Variants in SLC24A2 observed in about 807,000 individuals in gnomAD.
The protein encoded by SLC24A2 is solute carrier family 24 member 2.
SLC24A2 carries 36 observed loss-of-function variants against 62.0 expected under a neutral mutation model. The ratio of observed to expected loss-of-function variants is 0.58; its 90% CI spans 0.44 to 0.77. The LOEUF is 0.77. SLC24A2 is among the 30% of genes least tolerant of loss of function. The probability of loss-of-function intolerance (pLI) is 0.00; values close to 1 mark genes in which losing one functional copy is unlikely to be tolerated. For missense variants in SLC24A2, 846 were observed against 817.9 expected (o/e 1.03, Z -0.42); for synonymous variants, 358 against 294.0 (o/e 1.22, Z -2.23).
At chr9:19,805,835 T>TA in the SLC24A2 span, among the ~76,000 whole-genome samples, 41 of 144,922 alleles carry the variant, frequency 2.8e-4, no homozygotes, top group East Asian at 4.8e-3. Context: ...GTCTGAGTTT[T>TA]AAAAAAAAAA....
intron 2 of SLC24A2, among the ~76,000 whole-genome samples, chr9:19,697,110 T>C (rs986626782): frequency 6.6e-6 from 1 of 152,128 alleles, no homozygotes; most frequent in African/African-American, 2.4e-5. Flanking sequence ...TCTAGGAAAT[T>C]AAAAAAATAA....
the SLC24A2 span, among the ~76,000 whole-genome samples, chr9:19,975,374 A>G: frequency 6.6e-6 from 1 of 152,216 alleles, no homozygotes; most frequent in Non-Finnish European, 1.5e-5. Context: ...ACTCTGCTAC[A>G]TGAATTCTTC....
the SLC24A2 span, among the ~76,000 whole-genome samples, chr9:19,922,589 C>A: frequency 1.3e-5 from 2 of 152,198 alleles, no homozygotes; most frequent in South Asian, 4.1e-4. Flanking sequence ...ATTGAACTGT[C>A]TCTACTGAAA....
the SLC24A2 span, among the ~76,000 whole-genome samples, chr9:20,291,270 G>A: frequency 3.3e-5 from 5 of 152,144 alleles, no homozygotes; most frequent in African/African-American, 1.2e-4. Context: ...AGTGCCAAGG[G>A]ATTCAAAGAG....
chr9:19,549,974 T>C (rs186294957), intron 8 of SLC24A2, among the ~76,000 whole-genome samples, 163 bp downstream of exon 8: 25 of 152,316 alleles, frequency 1.6e-4, no homozygotes, highest in African/African-American at 5.5e-4. Context: ...AACTTAAATA[T>C]TTTTTCTTGT....
the SLC24A2 span, among the ~76,000 whole-genome samples, chr9:19,997,736 C>T: frequency 6.6e-6 from 1 of 152,212 alleles, no homozygotes; most frequent in African/African-American, 2.4e-5. Flanking sequence ...ACAGATTCAG[C>T]TCTGTTGAGA....
the SLC24A2 span, among the ~76,000 whole-genome samples, chr9:19,921,467 G>T: frequency 5.6e-4 from 80 of 142,178 alleles, 1 homozygote; most frequent in East Asian, 0.011. Flanking sequence ...AGTGAGCCAA[G>T]ATTGCACCAC....
chr9:20,011,701 G>C, the SLC24A2 span, among the ~76,000 whole-genome samples: 54 of 152,226 alleles, frequency 3.5e-4, no homozygotes, highest in African/African-American at 1.2e-3. Context: ...TTAGGTACAG[G>C]AAGCTCAGAG....
chr9:19,882,254 G>A, the SLC24A2 span, among the ~76,000 whole-genome samples: 4 of 152,094 alleles, frequency 2.6e-5, no homozygotes, highest in South Asian at 2.1e-4. Flanking sequence ...GGCCAATACC[G>A]AACATGCATT....
At chr9:19,650,722 G>GCACA (rs36051382) in intron 2 of SLC24A2, among the ~76,000 whole-genome samples, 1 of 151,150 alleles carries the variant, frequency 6.6e-6, no homozygotes, top group Admixed American at 6.6e-5. Context: ...CATGGCACGC[G>GCACA]CACACACACA....
At chr9:19,925,019 G>A in the SLC24A2 span, among the ~76,000 whole-genome samples, 1 of 152,184 alleles carries the variant, frequency 6.6e-6, no homozygotes, top group African/African-American at 2.4e-5. Context: ...ATGCATCAAA[G>A]TGGAATTTTC....
chr9:20,060,075 A>G, the SLC24A2 span, among the ~76,000 whole-genome samples: 4 of 152,108 alleles, frequency 2.6e-5, no homozygotes, highest in African/African-American at 9.7e-5. Context: ...AAATTCCTGA[A>G]AACATACAAA....
At chr9:19,982,465 A>T in the SLC24A2 span, among the ~76,000 whole-genome samples, 2 of 152,190 alleles carry the variant, frequency 1.3e-5, no homozygotes, top group Non-Finnish European at 1.5e-5. Context: ...TATAGCAGCA[A>T]TGTGACTTGA....
chr9:19,676,930 A>T (rs1819579349), intron 2 of SLC24A2, among the ~76,000 whole-genome samples: 1 of 152,244 alleles, frequency 6.6e-6, no homozygotes. Context: ...TTAAAAAATA[A>T]CAGACACTAG....
At chr9:20,014,872 G>C in the SLC24A2 span, among the ~76,000 whole-genome samples, 54 of 152,062 alleles carry the variant, frequency 3.6e-4, no homozygotes, top group Admixed American at 3.4e-3. Flanking sequence ...AAATAACAGA[G>C]ATTATTTCGA....
chr9:19,961,514 G>A, the SLC24A2 span, among the ~76,000 whole-genome samples: 2,139 of 152,284 alleles, frequency 0.014, 53 homozygotes, highest in African/African-American at 0.049. Context: ...ATCCTTTGGA[G>A]GTTAGCTAAA....
rs150262847 is a variant in SLC24A2 at position 19,731,339 on chromosome 9, C to T, written c.930+54598G>A. Among the ~76,000 whole-genome samples, 561 of 152,232 alleles carry T rather than the reference C, an allele frequency of 3.7e-3. 3 individuals are homozygous for T. The highest frequency in any genetic ancestry group is 0.013 in the African/African-American group (539 of 41,534). ...ATGCTATGGACTGAATGTTTGTGTA[C>T]CAACCCCACCCACATTCAAATGTTG... On this transcript the variant is annotated intron_variant, in intron 2 of 10. Coordinates refer to ENST00000341998, the MANE Select transcript of SLC24A2 (RefSeq NM_020344.4).
At position 19,689,999 on chromosome 9, in the gene SLC24A2, T is replaced by G. The variant is rs181807085; in HGVS notation, c.931-67700A>C. 3.9e-5 allele frequency among the ~76,000 whole-genome samples: 6 copies of G among 152,248 alleles called. No individual in the cohort carries two copies. In the East Asian group the frequency reaches 1.2e-3, roughly 29 times the overall value. On this transcript the variant is annotated intron_variant, in intron 2 of 10. Coordinates refer to ENST00000341998, the MANE Select transcript of SLC24A2 (RefSeq NM_020344.4). Reference sequence around the variant, plus strand: ...CAGAGCTGGAACCTTGATCTTTTACTGCCCTCAGTGCTCCAATTCTTAGGC... The same window carrying G: ...CAGAGCTGGAACCTTGATCTTTTACGGCCCTCAGTGCTCCAATTCTTAGGC...
chr9:19,897,101 T>A, the SLC24A2 span, among the ~76,000 whole-genome samples: 1 of 152,098 alleles, frequency 6.6e-6, no homozygotes, highest in Admixed American at 6.5e-5. Flanking sequence ...GAAATTGGGG[T>A]CCAAAGAGTC....
Sources: allele counts gnomAD v4.1 joint callset (sites outside exome capture counted in the v4.1 genomes callset), GRCh38; gene constraint gnomAD v4.1.1; transcripts MANE v1.5; gene names NCBI Gene and HGNC (gene_info 2026-07-23, HGNC 2026-07-21).